SMARCA2: variants seen among roughly 807,000 people sequenced by gnomAD.
SMARCA2 encodes SWI/SNF related BAF chromatin remodeling complex subunit ATPase 2.
Under a neutral mutation model 199.8 loss-of-function variants are expected in SMARCA2, and 61 were observed. The ratio of observed to expected loss-of-function variants is 0.31; its 90% CI spans 0.25 to 0.38. SMARCA2 has a LOEUF of 0.38. Ranked by LOEUF, SMARCA2 falls within the 10% of genes least tolerant of loss-of-function variation. SMARCA2 has a pLI of 1.00. For synonymous variants in SMARCA2, 935 were observed against 732.0 expected, an observed-to-expected ratio of 1.28 and a Z score of -4.48; for missense variants, 1,344 against 2,012.2, an observed-to-expected ratio of 0.67 and a Z score of 6.35.
intron 5 of SMARCA2, among the ~76,000 whole-genome samples, chr9:2,049,943 A>ACC (rs1563732382): frequency 3.2e-4 from 48 of 152,236 alleles, no homozygotes; most frequent in Non-Finnish European, 2.9e-5. Flanking sequence ...TTACAATTTG[A>ACC]TAAACTTAGT....
At chr9:2,061,013 G>T in intron 9 of SMARCA2, 27 bp downstream of exon 9, 13 of 1,607,272 alleles carry the variant, frequency 8.1e-6, no homozygotes, top group Non-Finnish European at 1.1e-5. Flanking sequence ...TGGTGGCTGA[G>T]TCCAGGGTGT....
At chr9:2,160,419 T>A in intron 27 of SMARCA2, 2 of 549,170 alleles carry the variant, frequency 3.6e-6, no homozygotes, top group South Asian at 5.3e-5. Context: ...ACATATTTTT[T>A]TAAAAATCCC....
At chr9:2,041,165 C>T (rs1180321932) in intron 4 of SMARCA2, 22 of 393,516 alleles carry the variant, frequency 5.6e-5, no homozygotes, top group Non-Finnish European at 8.5e-5. Flanking sequence ...AGTTTGTATA[C>T]GTTTATTTTC....
chr9:2,078,920 C>T (rs909185267), intron 14 of SMARCA2, among the ~76,000 whole-genome samples: 5 of 151,558 alleles, frequency 3.3e-5, no homozygotes, highest in South Asian at 2.1e-4. Context: ...ACTCCAGCCT[C>T]GGCAACAGAG....
rs1424851814 is a variant in SMARCA2, at chr9:2,084,014, G to A, written c.2416-72G>A. On this transcript the variant is annotated intron_variant, in intron 16 of 33. Transcript: ENST00000349721. ...CAGTCACATGTCTGGGCATCATTAA[G>A]CTATGAAAAGTGAGAAATAATGCAC... 5.1e-6 allele frequency: 4 copies of A among 778,338 alleles called. No homozygotes were observed. The Admixed American group carries it at 8.2e-5, about 16-fold the overall frequency. 48.2% of individuals were successfully genotyped at this position (778,338 alleles called of 1,614,324 possible). A position where few individuals can be genotyped will look rare whatever the true frequency, so the allele number is the denominator to read the frequency against.
intron 28 of SMARCA2, among the ~76,000 whole-genome samples, chr9:2,166,751 TA>T (rs1825950884): frequency 6.6e-6 from 1 of 152,222 alleles, no homozygotes; most frequent in Non-Finnish European, 1.5e-5. Flanking sequence ...ATGAATATAT[TA>T]ACCAGTAATC....
chr9:2,185,162 C>A (rs912753765), intron 31 of SMARCA2, among the ~76,000 whole-genome samples: 5 of 152,122 alleles, frequency 3.3e-5, no homozygotes, highest in African/African-American at 1.2e-4. Context: ...AAACTGCGTG[C>A]CTACGAACAA....
chr9:2,123,067 AT>A lies in SMARCA2; in HGVS notation c.3763-650del. ...GCTCTCTCTGTCTGTGGTATAATAT[AT>A]TCATAAGAGCACAAAGCTTAAAATG... On this transcript the variant is annotated intron_variant, in intron 26 of 33. Coordinates refer to ENST00000349721, the MANE Select transcript of SMARCA2 (RefSeq NM_003070.5). This position sits in a 1 kb window ranked among gnomAD's most constrained non-coding sequence, Gnocchi z 4.1. 6.6e-6 allele frequency among the ~76,000 whole-genome samples: 1 copy of A among 152,336 alleles called. No individual in the cohort carries two copies. The highest frequency in any genetic ancestry group is 1.9e-4 in the East Asian group (1 of 5,180).
At chr9:2,074,771 G>A (rs1413383212) in intron 12 of SMARCA2, among the ~76,000 whole-genome samples, 1 of 152,210 alleles carries the variant, frequency 6.6e-6, no homozygotes, top group Non-Finnish European at 1.5e-5. Context: ...GGAGGCTGAG[G>A]TAGGAGGATG....
Position 2,039,795 on chromosome 9 carries a change from CA to C in SMARCA2, c.686del (p.Gln229ArgfsTer41), listed in dbSNP as rs779405725. On this transcript the variant is annotated frameshift_variant, in exon 4 of 34. Coordinates refer to ENST00000349721, the MANE Select transcript of SMARCA2 (RefSeq NM_003070.5). LOFTEE classifies it high-confidence loss of function. This position sits in a 1 kb window ranked among gnomAD's most constrained non-coding sequence, Gnocchi z 4.8. The stretch of plus-strand genomic sequence containing the variant: ...GCAGCAACAGCAGCAGCAGCAGCAG[CA>C]GCAGCAGCAGCAGCAGCAGCAACAG... ...QQQQQQQQQQQQQQQQQQQQP... is the reference protein window; with the variant it reads ...QQQQQQQQQQXQQQQQQQQQP... 1.9e-5 allele frequency: 30 copies of C among 1,602,240 alleles called. 1 individual carries two copies. The East Asian group carries it at 2.0e-4, about 11-fold the overall frequency.
intron 4 of SMARCA2, chr9:2,040,443 G>A (rs923399298): frequency 1.3e-5 from 2 of 156,484 alleles, no homozygotes; most frequent in African/African-American, 2.4e-5. Context: ...AGAAAGTAGG[G>A]CTGCAAAAGT....
intron 27 of SMARCA2, among the ~76,000 whole-genome samples, chr9:2,141,516 C>T (rs1426848942): frequency 6.6e-6 from 1 of 152,064 alleles, no homozygotes; most frequent in African/African-American, 2.4e-5. Context: ...ATTTAATAGC[C>T]TGTAGCATTG....
chr9:2,073,450 G>A (rs140865500), intron 11 of SMARCA2, 108 bp downstream of exon 11: 2 of 1,501,888 alleles, frequency 1.3e-6, no homozygotes, highest in Admixed American at 1.9e-5. Context: ...GATGGTTGAA[G>A]TTGTTACTTG....
In SMARCA2 at chr9:2,043,482, T is replaced by C. The variant is rs1392360534; in HGVS notation, c.790+3582T>C. The stretch of plus-strand genomic sequence containing the variant: ...TCAGAGATTCAAACAAAAAGAAAAA[T>C]GGGAACTGAAAAAATTTGGGGTTTT... On this transcript the variant is annotated intron_variant, in intron 4 of 33. Transcript: ENST00000349721. The C allele has an allele frequency of 2.0e-5, 3 of 152,168 alleles. No individual in the cohort carries two copies. The East Asian group carries it at 5.8e-4, about 29-fold the overall frequency. 9.4% of individuals were successfully genotyped at this position (152,168 alleles called of 1,614,324 possible).
At position 2,056,755 on chromosome 9, in the gene SMARCA2, G is replaced by A; in HGVS notation, c.1257G>A (p.Lys419=). The change falls in exon 7 of 34, where the codon AAG becomes AAA. Residue 419 remains lysine (K), a synonymous_variant. Coordinates refer to ENST00000349721, the MANE Select transcript of SMARCA2 (RefSeq NM_003070.5). The surrounding 1 kb of genome is among the most constrained non-coding windows in gnomAD (Gnocchi z 4.0). The part of the protein sequence containing the change: ...ALNSKAYKRS[K]RQTLREARMT... The stretch of plus-strand genomic sequence containing the variant: ...ACTCCAAAGCATACAAACGGAGCAA[G>A]CGCCAGACTCTGAGAGAAGCTCGCA... The A allele has an allele frequency of 6.2e-7, 1 of 1,614,216 alleles. No individual in the cohort carries two copies. The highest frequency in any genetic ancestry group is 1.1e-5 in the South Asian group (1 of 91,072).
intron 4 of SMARCA2, chr9:2,042,315 G>C (rs1819641203): frequency 6.6e-6 from 1 of 152,150 alleles, no homozygotes; most frequent in South Asian, 2.1e-4. Context: ...ACTCCCAAAA[G>C]GTAGTAGTCT....
intron 5 of SMARCA2, among the ~76,000 whole-genome samples, chr9:2,048,366 A>G (rs1819973660): frequency 6.6e-6 from 1 of 152,142 alleles, no homozygotes; most frequent in Admixed American, 6.5e-5. Context: ...CTTTTCTGTG[A>G]CTCAGTTTCC....
intron 27 of SMARCA2, among the ~76,000 whole-genome samples, chr9:2,134,496 T>TATATA: frequency 6.6e-6 from 1 of 152,326 alleles, no homozygotes; most frequent in East Asian, 1.9e-4. Flanking sequence ...CCTGCCAACC[T>TATATA]ATACCCACAT....
At chr9:2,032,680 C>T (rs1014117609) in intron 2 of SMARCA2, 11 of 277,510 alleles carry the variant, frequency 4.0e-5, no homozygotes, top group Non-Finnish European at 7.5e-5. Context: ...ACCTTGTGAC[C>T]AGGACTTCAT....
Sources: gnomAD v4.1 joint callset for allele counts (sites outside exome capture counted in the v4.1 genomes callset) on GRCh38, gnomAD v4.1.1 for gene constraint, Gnocchi (gnomAD v3.1) non-coding constraint, MANE v1.5 for transcripts, NCBI Gene and HGNC (gene_info 2026-07-23, HGNC 2026-07-21) for gene names.